The following AFF3 variants were observed in gnomAD, a reference collection of about 807,000 sequenced individuals.
AFF3 encodes the protein ALF transcription elongation factor 3.
In AFF3, 32 loss-of-function variants were observed where a neutral mutation model predicts 129.7. That is an observed-to-expected ratio of 0.25 (90% CI 0.19 to 0.33). AFF3 has a LOEUF of 0.33. AFF3 is among the 10% of genes least tolerant of loss of function. The pLI, the probability that AFF3 is intolerant of heterozygous loss-of-function variation, is 1.00. For synonymous variants in AFF3, 644 were observed against 635.4 expected (o/e 1.01, Z -0.20); for missense variants, 1,373 against 1,592.0 (o/e 0.86, Z 2.34).
chr2:99,858,798 G>T (rs995148523), intron 7 of AFF3, among the ~76,000 whole-genome samples: 3 of 152,122 alleles, frequency 2.0e-5, no homozygotes, highest in Non-Finnish European at 2.9e-5. Context: ...TAACTAAAGG[G>T]TATAGGCTTA....
At chr2:99,895,606 C>G (rs928179456) in intron 7 of AFF3, among the ~76,000 whole-genome samples, 1 of 152,070 alleles carries the variant, frequency 6.6e-6, no homozygotes, top group Non-Finnish European at 1.5e-5. Flanking sequence ...ACTGCAAAGC[C>G]CCTCACCACC....
intron 7 of AFF3, among the ~76,000 whole-genome samples, chr2:99,986,729 G>A (rs1679909817): frequency 6.6e-6 from 1 of 152,198 alleles, no homozygotes; most frequent in Admixed American, 6.5e-5. Flanking sequence ...AGAAAAGGAA[G>A]ATCATGCCTA....
intron 8 of AFF3, among the ~76,000 whole-genome samples, chr2:99,772,277 G>T (rs1404373710): frequency 6.6e-6 from 1 of 152,202 alleles, no homozygotes; most frequent in Non-Finnish European, 1.5e-5. Context: ...CAGGCCGTGT[G>T]CTTGGTCTGT....
chr2:99,571,627 C>G (rs1485412623), intron 18 of AFF3, among the ~76,000 whole-genome samples: 1 of 152,164 alleles, frequency 6.6e-6, no homozygotes, highest in Non-Finnish European at 1.5e-5. Flanking sequence ...AGCATAGGTA[C>G]CATCTGGAGG....
At chr2:99,667,754 C>T (rs1217353415) in intron 12 of AFF3, among the ~76,000 whole-genome samples, 6 of 152,072 alleles carry the variant, frequency 3.9e-5, no homozygotes, top group African/African-American at 1.2e-4. Flanking sequence ...TTAAGTGACA[C>T]GGATAGACTT....
In AFF3 at chr2:99,593,444, C is replaced by T. The variant is rs1678936726; in HGVS notation, c.2217G>A (p.Glu739=). The change falls in exon 15 of 25, where the codon GAG becomes GAA. Residue 739 remains glutamate, a synonymous_variant. Coordinates refer to ENST00000672756, the MANE Select transcript of AFF3 (RefSeq NM_001386135.1). The part of the protein sequence containing the change: ...RTTSDIAKEL[E]EQFYTLVPFG... ...AGGGGACCAGTGTGTAGAACTGCTC[C>T]TCCAGCTCCTTGGCGATGTCACTGG... 8.1e-6 allele frequency: 13 copies of T among 1,613,750 alleles called. No individual in the cohort carries two copies. The highest frequency in any genetic ancestry group is 1.3e-5 in the African/African-American group (1 of 74,818).
intron 22 of AFF3, among the ~76,000 whole-genome samples, chr2:99,558,481 G>A (rs545813758): frequency 1.1e-4 from 16 of 152,150 alleles, no homozygotes; most frequent in South Asian, 4.2e-4. Flanking sequence ...TTAGCCAGGC[G>A]TGGTGGTGTG....
chr2:99,926,479 A>G (rs1696248132), intron 7 of AFF3, among the ~76,000 whole-genome samples: 1 of 152,174 alleles, frequency 6.6e-6, no homozygotes, highest in Non-Finnish European at 1.5e-5. Flanking sequence ...CAAACCACCT[A>G]CTTCAGGCAT....
chr2:99,673,170 G>A (rs190800880), intron 11 of AFF3, among the ~76,000 whole-genome samples: 1 of 152,110 alleles, frequency 6.6e-6, no homozygotes, highest in Non-Finnish European at 1.5e-5. Context: ...GCCTGCCCCA[G>A]GGGCTTTCAT....
chr2:99,933,765 TTCCA>T (rs1375917263), intron 7 of AFF3, among the ~76,000 whole-genome samples: 3 of 152,172 alleles, frequency 2.0e-5, no homozygotes, highest in African/African-American at 7.2e-5. Flanking sequence ...TTAGGATTGG[TTCCA>T]AGTCTTTGCT....
intron 9 of AFF3, among the ~76,000 whole-genome samples, chr2:99,745,521 TG>T (rs1558809397): frequency 6.6e-6 from 1 of 152,206 alleles, no homozygotes; most frequent in Non-Finnish European, 1.5e-5. Context: ...CTGATACTTA[TG>T]GTTTGGGTTC....
intron 7 of AFF3, among the ~76,000 whole-genome samples, chr2:99,957,991 T>C (rs979098231): frequency 6.6e-6 from 1 of 152,174 alleles, no homozygotes; most frequent in African/African-American, 2.4e-5. Context: ...TTCAAACTCC[T>C]GGGCAGTTTT....
At chr2:99,626,449 T>C in intron 13 of AFF3, among the ~76,000 whole-genome samples, 1 of 53,160 alleles carries the variant, frequency 1.9e-5, no homozygotes, top group African/African-American at 5.3e-5. Flanking sequence ...CTCCTTCCCT[T>C]CCCCTTCCTT....
chr2:99,607,639 T>C (rs528196483), intron 13 of AFF3, among the ~76,000 whole-genome samples: 11 of 152,266 alleles, frequency 7.2e-5, no homozygotes, highest in South Asian at 4.1e-4. Flanking sequence ...ATATCCAAAA[T>C]TGTCCACACA....
At chr2:99,723,304 T>C (rs999131040) in intron 11 of AFF3, among the ~76,000 whole-genome samples, 12 of 152,208 alleles carry the variant, frequency 7.9e-5, no homozygotes, top group Admixed American at 2.6e-4. Flanking sequence ...CCAATCATGA[T>C]CGATCTCCCG....
At chr2:99,602,620 C>A (rs962567312) in intron 13 of AFF3, among the ~76,000 whole-genome samples, 2 of 152,170 alleles carry the variant, frequency 1.3e-5, no homozygotes, top group Non-Finnish European at 2.9e-5. Context: ...TGAGGTCAAG[C>A]TCTAAATACC....
chr2:99,827,523 A>C (rs1170679571), intron 8 of AFF3, among the ~76,000 whole-genome samples: 1 of 151,996 alleles, frequency 6.6e-6, no homozygotes, highest in Non-Finnish European at 1.5e-5. Context: ...TCAGGAAGGA[A>C]GGTGGTGGGA....
intron 8 of AFF3, among the ~76,000 whole-genome samples, chr2:99,752,766 C>T (rs1681764972): frequency 6.6e-6 from 1 of 152,166 alleles, no homozygotes; most frequent in Non-Finnish European, 1.5e-5. Flanking sequence ...AAGGCCCACA[C>T]ATCACTTTGG....
chr2:100,128,860 T>C (rs1692307950), intron 2 of AFF3, among the ~76,000 whole-genome samples: 1 of 152,174 alleles, frequency 6.6e-6, no homozygotes, highest in South Asian at 2.1e-4. Context: ...ATGGTTAGAA[T>C]AGATGACCTC....
Sources: allele counts gnomAD v4.1 joint callset (sites outside exome capture counted in the v4.1 genomes callset), GRCh38; gene constraint gnomAD v4.1.1; transcripts MANE v1.5; gene names NCBI Gene and HGNC (gene_info 2026-07-23, HGNC 2026-07-21).